The following MTTP variants were observed in gnomAD, a reference collection of about 807,000 sequenced individuals.
The protein encoded by MTTP is microsomal triglyceride transfer protein, also known as microsomal triglyceride transfer protein large subunit.
In MTTP, 49 loss-of-function variants were observed where a neutral mutation model predicts 90.6. That is an observed-to-expected ratio of 0.54 (90% CI 0.43 to 0.69). The LOEUF (loss-of-function observed/expected upper bound fraction) is 0.69. Among genes scored for constraint, MTTP ranks in the 30% least tolerant of loss-of-function variants. MTTP has a pLI of 0.00. For missense variants in MTTP, 945 were observed against 1,067.5 expected (o/e 0.89, Z 1.60); for synonymous variants, 347 against 384.2 (o/e 0.90, Z 1.13).
chr4:99,621,911 G>A (rs1726242413), intron 17 of MTTP, among the ~76,000 whole-genome samples: 1 of 152,104 alleles, frequency 6.6e-6, no homozygotes, highest in Non-Finnish European at 1.5e-5. Context: ...CATAATAGTT[G>A]ACCTACGGTA....
At position 99,597,075 on chromosome 4, in the gene MTTP, G is replaced by A. The variant is rs952126453; in HGVS notation, c.918G>A (p.Glu306=). The A allele has an allele frequency of 4.3e-6, 7 of 1,613,784 alleles. No homozygotes were observed. Among genetic ancestry groups the A allele is most frequent in the East Asian group, 2.2e-5 (1 of 44,884 alleles). The change falls in exon 8 of 18, where the codon GAG becomes GAA. Residue 306 remains glutamate (E), a synonymous_variant. Transcript: ENST00000265517. ...SHCKGCPSLS[E]LWRSTRKYLQ... ...CAGTGTATGTTTTGCAGCTCTCGGA[G>A]CTCTGGCGGTCCACCAGGAAATACC...
chr4:99,607,788 T>C (rs1349735874), intron 11 of MTTP, among the ~76,000 whole-genome samples: 1 of 152,158 alleles, frequency 6.6e-6, no homozygotes, highest in Non-Finnish European at 1.5e-5. Context: ...TAATGTAACC[T>C]ACAGACTTTG....
rs1296533635 is a variant in MTTP at position 99,621,222 on chromosome 4, C to A, written c.2504C>A (p.Ala835Asp). The change falls in exon 17 of 18, where the codon GCT becomes GAT. Residue 835 changes from alanine to aspartate, a missense_variant. Ala to Asp is a moderately radical substitution (Grantham distance 126, BLOSUM62 -2). Transcript: ENST00000265517. ...TGCATGCAGATGGACAAGGATGAAGCTCCATTCAGGTAAGATGCAGCGTTC... is the reference window on the plus strand; with the variant it reads ...TGCATGCAGATGGACAAGGATGAAGATCCATTCAGGTAAGATGCAGCGTTC... ...LVCMQMDKDE[A>D]PFRQFEKKYE... is the part of the protein sequence containing the mutation. 1 of 1,613,968 alleles carries A rather than the reference C, an allele frequency of 6.2e-7. No homozygotes were observed. The highest frequency in any genetic ancestry group is 1.7e-4 in the Middle Eastern group (1 of 6,060).
At chr4:99,616,661 A>G (rs1465878902) in intron 15 of MTTP, among the ~76,000 whole-genome samples, 2 of 152,198 alleles carry the variant, frequency 1.3e-5, no homozygotes, top group Admixed American at 6.5e-5. Context: ...TTCAAAAAGG[A>G]AAGAGTGCTT....
chr4:99,613,491 G>A (rs1726013705), intron 15 of MTTP, among the ~76,000 whole-genome samples: 1 of 152,140 alleles, frequency 6.6e-6, no homozygotes, highest in South Asian at 2.1e-4. Flanking sequence ...GGCAGGAGCT[G>A]AACTATGTGG....
intron 1 of MTTP, among the ~76,000 whole-genome samples, chr4:99,575,354 C>T (rs897758748): frequency 3.3e-5 from 5 of 151,978 alleles, no homozygotes; most frequent in Admixed American, 1.3e-4. Flanking sequence ...TTTTAAAAAC[C>T]GAGTTCTTAA....
intron 3 of MTTP, among the ~76,000 whole-genome samples, chr4:99,584,858 C>T (rs1353904748): frequency 6.6e-6 from 1 of 152,048 alleles, no homozygotes; most frequent in Non-Finnish European, 1.5e-5. Context: ...CATGCCCTTC[C>T]ACTCCCTCCT....
intron 2 of MTTP, among the ~76,000 whole-genome samples, chr4:99,583,045 T>C (rs1317986706): frequency 6.6e-6 from 1 of 152,030 alleles, no homozygotes; most frequent in Non-Finnish European, 1.5e-5. Context: ...GTAAAGAAAG[T>C]GAAGTGATCA....
In MTTP at chr4:99,606,880, G is replaced by T. The variant is rs758939873; in HGVS notation, c.1477G>T (p.Ala493Ser). 2.4e-5 allele frequency: 38 copies of T among 1,613,910 alleles called. No homozygotes were observed. Among genetic ancestry groups the T allele is most frequent in the Non-Finnish European group, 2.5e-5 (29 of 1,179,980 alleles). ...PEGIPSLLKYAEAGEGPISHL... is the reference protein window; with the variant it reads ...PEGIPSLLKYSEAGEGPISHL... ...AGGCATCCCAAGTCTTCTGAAGTAT[G>T]CAGAAGCAGGAGAAGGGCCCATCAG... is the stretch of plus-strand genomic sequence containing the variant. The change falls in exon 11 of 18, where the codon GCA becomes TCA. Residue 493 changes from alanine (A) to serine (S), a missense_variant. Transcript: ENST00000265517.
intron 11 of MTTP, among the ~76,000 whole-genome samples, chr4:99,608,171 G>C (rs1725863868): frequency 6.6e-6 from 1 of 152,156 alleles, no homozygotes; most frequent in Non-Finnish European, 1.5e-5. Context: ...TCTGAGCCAG[G>C]CATGGTGGCT....
Position 99,611,402 on chromosome 4 carries a change from T to C in MTTP, c.1938T>C (p.Ser646=), listed in dbSNP as rs1180163335. 5.6e-6 allele frequency: 9 copies of C among 1,613,950 alleles called. No homozygotes were observed. The highest frequency in any genetic ancestry group is 7.6e-6 in the Non-Finnish European group (9 of 1,179,940). The part of the protein sequence containing the change: ...LYSGSGILRR[S]NLNIFQYIGK... Reference sequence around the variant, plus strand: ...CGGGTTCTGGCATTCTAAGGAGAAGTAACCTGAACATCTTTCAGTACATTG... The same window carrying C: ...CGGGTTCTGGCATTCTAAGGAGAAGCAACCTGAACATCTTTCAGTACATTG... Residue 646 remains serine (S), a synonymous_variant, in exon 14 of 18, where the codon AGT becomes AGC. Transcript: ENST00000265517.
At chr4:99,566,275 T>G (rs1472218089) in intron 1 of MTTP, among the ~76,000 whole-genome samples, 1 of 125,124 alleles carries the variant, frequency 8.0e-6, no homozygotes, top group African/African-American at 3.2e-5. Flanking sequence ...GGTGACAGAG[T>G]GATACTCCGT....
At chr4:99,584,068 AAAT>A (rs1725195227) in intron 3 of MTTP, 1 of 153,462 alleles carries the variant, frequency 6.5e-6, no homozygotes, top group African/African-American at 2.4e-5. Flanking sequence ...TTATATATTA[AAAT>A]AATGATTGAA....
intron 3 of MTTP, among the ~76,000 whole-genome samples, chr4:99,588,323 T>C (rs920855226): frequency 5.9e-5 from 9 of 152,138 alleles, no homozygotes; most frequent in Admixed American, 1.3e-4. Flanking sequence ...ATAATTATCA[T>C]AGACCTTGGG....
chr4:99,611,384 T>A lies in MTTP; in HGVS notation c.1920T>A (p.Ser640=), dbSNP rs1725951370. 1 of 1,613,976 alleles carries A rather than the reference T, an allele frequency of 6.2e-7. No individual in the cohort carries two copies. The highest frequency in any genetic ancestry group is 1.1e-5 in the South Asian group (1 of 91,088). Residue 640 remains serine, a synonymous_variant, in exon 14 of 18, where the codon TCT becomes TCA. Coordinates refer to ENST00000265517, the MANE Select transcript of MTTP (RefSeq NM_001386140.1). ...GCCTAGACATTCTCTACTCGGGTTC[T>A]GGCATTCTAAGGAGAAGTAACCTGA... ...TYSLDILYSG[S]GILRRSNLNI...
chr4:99,566,297 G>GAAAAAAAAAAAAAAAAAAAAAAAAA (rs567380343), intron 1 of MTTP, among the ~76,000 whole-genome samples: 1 of 117,534 alleles, frequency 8.5e-6, no homozygotes, highest in Non-Finnish European at 1.8e-5. Context: ...TCAAAAAAAA[G>GAAAAAAAAAAAAAAAAAAAAAAAAA]AAAAAAAAAA....
intron 10 of MTTP, among the ~76,000 whole-genome samples, chr4:99,603,494 T>C (rs1725744277): frequency 6.6e-6 from 1 of 152,118 alleles, no homozygotes; most frequent in African/African-American, 2.4e-5. Context: ...TCTGAATTAA[T>C]GTAGGGGCAG....
rs543156671 is a variant in MTTP at position 99,579,948 on chromosome 4, G to A, written c.62-1957G>A. 7.4e-5 allele frequency among the ~76,000 whole-genome samples: 11 copies of A among 148,790 alleles called. No individual in the cohort carries two copies. In the South Asian group the frequency reaches 2.3e-3, roughly 32 times the overall value. On this transcript the variant is annotated intron_variant, in intron 1 of 17. Transcript: ENST00000265517. ...ACTACTCAGAAGGCTGAGGTGGGAGGATCACTTGAGCCTGGAGATGAAGGT... is the reference window on the plus strand; with the variant it reads ...ACTACTCAGAAGGCTGAGGTGGGAGAATCACTTGAGCCTGGAGATGAAGGT...
intron 8 of MTTP, 137 bp downstream of exon 8, chr4:99,597,361 C>T (rs1049478851): frequency 1.4e-5 from 14 of 997,100 alleles, no homozygotes; most frequent in Non-Finnish European, 1.9e-5. Flanking sequence ...ACATTTTCAT[C>T]GAAAAGTTAT....
Sources: allele counts gnomAD v4.1 joint callset (sites outside exome capture counted in the v4.1 genomes callset), GRCh38; gene constraint gnomAD v4.1.1; transcripts MANE v1.5; gene names NCBI Gene and HGNC (gene_info 2026-07-23, HGNC 2026-07-21).